ITPR1: variants seen among roughly 807,000 people sequenced by gnomAD.
ITPR1 encodes inositol 1,4,5-trisphosphate-gated calcium channel ITPR1.
A neutral mutation model predicts 318.4 loss-of-function variants in ITPR1; 96 were observed. The observed-to-expected ratio is 0.30, with a 90% CI of 0.26 to 0.36. The LOEUF is 0.36. Ranked by LOEUF, ITPR1 falls within the 10% of genes least tolerant of loss-of-function variation. ITPR1 has a pLI of 1.00. For synonymous variants in ITPR1, 1,312 were observed against 1,289.9 expected (o/e 1.02, Z -0.37); for missense variants, 2,440 against 3,460.2 (o/e 0.71, Z 7.40).
Position 4,699,932 on chromosome 3 carries a change from G to A in ITPR1, c.4527G>A (p.Thr1509=), listed in dbSNP as rs752982589. 1.7e-5 allele frequency: 27 copies of A among 1,612,864 alleles called. No individual in the cohort carries two copies. Among genetic ancestry groups the A allele is most frequent in the South Asian group, 3.3e-5 (3 of 91,014 alleles). ...GCTCTCCCTTCTCAGACCAGAGTAC[G>A]ACTTTGCAGGTAAGAAATAACCAAC... The part of the protein sequence containing the change: ...FFSSPFSDQS[T]TLQTRQPVFV... Residue 1509 remains threonine, a synonymous_variant, in exon 35 of 62, where the codon ACG becomes ACA. Coordinates refer to ENST00000649015, the MANE Select transcript of ITPR1 (RefSeq NM_001378452.1).
chr3:4,578,998 G>C (rs1190315556), intron 4 of ITPR1, among the ~76,000 whole-genome samples: 1 of 152,164 alleles, frequency 6.6e-6, no homozygotes, highest in Admixed American at 6.5e-5. Context: ...ATTGACCCAT[G>C]TGATATTGCT....
Position 4,702,833 on chromosome 3 carries a change from C to T in ITPR1, c.4540C>T (p.Arg1514Cys), listed in dbSNP as rs1254733734. 3.1e-6 allele frequency: 5 copies of T among 1,613,430 alleles called. No individual in the cohort carries two copies. Among genetic ancestry groups the T allele is most frequent in the Non-Finnish European group, 4.2e-6 (5 of 1,179,726 alleles). Residue 1514 changes from arginine to cysteine, a missense_variant, in exon 36 of 62, where the codon CGC becomes TGC. By Grantham distance (180) the Arg-to-Cys change is radical. Transcript: ENST00000649015. ...FSDQSTTLQT[R>C]QPVFVQLLQG... ...TGCCTCTTTTGGCTTCTTGCAGACT[C>T]GCCAGCCTGTCTTTGTGCAACTGCT...
In ITPR1 at chr3:4,806,221, T is replaced by A. The variant is rs1258225056; in HGVS notation, c.7226T>A (p.Ile2409Asn). 6.2e-7 allele frequency: 1 copy of A among 1,614,050 alleles called. No individual in the cohort carries two copies. Among genetic ancestry groups the A allele is most frequent in the Admixed American group, 1.7e-5 (1 of 60,032 alleles). ...EFLYHLLYLV[I>N]CAMGLFVHEF... is the part of the protein sequence containing the mutation. ...CTCTATCATTTGTTGTATCTGGTGATCTGTGCCATGGGGCTCTTTGTCCAT... is the reference window on the plus strand; with the variant it reads ...CTCTATCATTTGTTGTATCTGGTGAACTGTGCCATGGGGCTCTTTGTCCAT... The change falls in exon 55 of 62, where the codon ATC becomes AAC. Residue 2409 changes from isoleucine (I) to asparagine (N), a missense_variant. Ile to Asn is a moderately radical substitution (Grantham distance 149). Around this residue, in one of 23 missense-constraint regions of ITPR1, gnomAD observed 126 missense variants for 150.8 expected, o/e 0.84. Coordinates refer to ENST00000649015, the MANE Select transcript of ITPR1 (RefSeq NM_001378452.1).
At chr3:4,632,719 C>G (rs2125136678) in intron 5 of ITPR1, among the ~76,000 whole-genome samples, 1 of 152,182 alleles carries the variant, frequency 6.6e-6, no homozygotes, top group East Asian at 1.9e-4. Flanking sequence ...TCAGCAAGTC[C>G]TTTCGACACT....
chr3:4,635,665 C>T (rs2093168092), intron 5 of ITPR1, among the ~76,000 whole-genome samples: 1 of 151,752 alleles, frequency 6.6e-6, no homozygotes, highest in Non-Finnish European at 1.5e-5. Context: ...AACTCAGTAT[C>T]TCACAGTGAG....
chr3:4,832,217 G>C (rs1036513803), intron 60 of ITPR1, among the ~76,000 whole-genome samples: 9 of 152,172 alleles, frequency 5.9e-5, no homozygotes, highest in African/African-American at 2.2e-4. Flanking sequence ...TATTAAGGGA[G>C]GCACTGGGGG....
chr3:4,514,764 A>T (rs932889376), intron 2 of ITPR1, among the ~76,000 whole-genome samples: 1 of 152,230 alleles, frequency 6.6e-6, no homozygotes, highest in African/African-American at 2.4e-5. Context: ...AAGTATGCTG[A>T]CTTCCTGACC....
At chr3:4,824,926 C>G (rs923478241) in intron 60 of ITPR1, among the ~76,000 whole-genome samples, 10 of 152,178 alleles carry the variant, frequency 6.6e-5, no homozygotes, top group African/African-American at 2.4e-4. Flanking sequence ...TGAGAAACTT[C>G]ACTACCCTCA....
At position 4,836,833 on chromosome 3, in the gene ITPR1, T is replaced by C. The variant is rs757978380; in HGVS notation, c.8088T>C (p.Ser2696=). Residue 2696 remains serine, a synonymous_variant, in exon 61 of 62, where the codon TCT becomes TCC. Transcript: ENST00000649015. ...MRAMSLVSSD[S]EGEQNELRNL... ...CCATGTCATTGGTCAGCAGTGATTC[T>C]GAAGGAGAACAGAATGAGCTGAGAA... 6.4e-7 allele frequency: 1 copy of C among 1,571,540 alleles called. No individual in the cohort carries two copies. The highest frequency in any genetic ancestry group is 8.7e-7 in the Non-Finnish European group (1 of 1,153,310).
intron 33 of ITPR1, among the ~76,000 whole-genome samples, chr3:4,694,522 C>G (rs1226099403): frequency 6.6e-6 from 1 of 152,054 alleles, no homozygotes; most frequent in Non-Finnish European, 1.5e-5. Flanking sequence ...ATGCGTTCTT[C>G]GGTGATTTCC....
At chr3:4,605,908 G>C (rs760094613) in intron 4 of ITPR1, among the ~76,000 whole-genome samples, 7 of 152,158 alleles carry the variant, frequency 4.6e-5, no homozygotes, top group African/African-American at 1.7e-4. Flanking sequence ...GCAACAGGGA[G>C]TGGGGCCGAC....
intron 4 of ITPR1, among the ~76,000 whole-genome samples, chr3:4,615,382 T>C (rs1374195961): frequency 1.3e-5 from 2 of 150,590 alleles, no homozygotes; most frequent in African/African-American, 4.9e-5. Context: ...TCTTTTTTTT[T>C]TTTTTTTTTT....
chr3:4,656,028 T>C (rs2093700356), intron 12 of ITPR1, among the ~76,000 whole-genome samples: 2 of 152,328 alleles, frequency 1.3e-5, no homozygotes, highest in East Asian at 1.9e-4. Context: ...GCCTCGGACC[T>C]CACTTGGCTT....
At chr3:4,758,857 A>T (rs141958303) in intron 44 of ITPR1, among the ~76,000 whole-genome samples, 103 of 152,310 alleles carry the variant, frequency 6.8e-4, no homozygotes, top group Admixed American at 3.1e-3. Flanking sequence ...CTGAAAAATG[A>T]GGGTCTTACC....
At chr3:4,782,819 C>G in intron 50 of ITPR1, 78 bp downstream of exon 50, 1 of 1,319,294 alleles carries the variant, frequency 7.6e-7, no homozygotes, top group Non-Finnish European at 1.0e-6. Flanking sequence ...TGCCCCCAGT[C>G]TTGCTTTTCC....
At chr3:4,804,321 G>T (rs746175282) in intron 54 of ITPR1, among the ~76,000 whole-genome samples, 4 of 152,232 alleles carry the variant, frequency 2.6e-5, no homozygotes, top group Admixed American at 1.3e-4. Flanking sequence ...AGAGTGGTGA[G>T]CAGGGTGCGC....
At chr3:4,766,508 A>G (rs2045829708) in intron 44 of ITPR1, 22 bp from the exon 45 acceptor site, 2 of 1,611,102 alleles carry the variant, frequency 1.2e-6, no homozygotes, top group Non-Finnish European at 1.7e-6. Context: ...AGTGTTCACA[A>G]TCTATGGATT....
At chr3:4,618,633 C>G (rs376681220) in intron 4 of ITPR1, among the ~76,000 whole-genome samples, 1 of 152,084 alleles carries the variant, frequency 6.6e-6, no homozygotes, top group Non-Finnish European at 1.5e-5. Flanking sequence ...TAGCGTTTAC[C>G]GAGTCTTCCC....
At chr3:4,617,462 C>A (rs9810214) in intron 4 of ITPR1, among the ~76,000 whole-genome samples, 9 of 151,852 alleles carry the variant, frequency 5.9e-5, no homozygotes. Flanking sequence ...ACCTGCCCAA[C>A]CCCAAAAGCT....
Sources: gnomAD v4.1 joint callset for allele counts (sites outside exome capture counted in the v4.1 genomes callset) on GRCh38, gnomAD v4.1.1 for gene constraint, gnomAD v4.1.1 regional missense constraint, MANE v1.5 for transcripts, NCBI Gene and HGNC (gene_info 2026-07-23, HGNC 2026-07-21) for gene names.